Variants in MPPED1 observed in about 807,000 individuals in gnomAD.
The protein encoded by MPPED1 is metallophosphoesterase domain-containing protein 1.
A neutral mutation model predicts 36.2 loss-of-function variants in MPPED1; 16 were observed. The observed-to-expected ratio is 0.44, with a 90% CI of 0.30 to 0.67. MPPED1 has a LOEUF of 0.67. Among genes scored for constraint, MPPED1 ranks in the 30% least tolerant of loss-of-function variants. MPPED1 has a pLI of 0.10. For synonymous variants in MPPED1, 199 were observed against 191.3 expected, an observed-to-expected ratio of 1.04 and a Z score of -0.33; for missense variants, 307 against 453.4, an observed-to-expected ratio of 0.68 and a Z score of 2.93.
chr22:43,469,716 C>T (rs1163156591), intron 3 of MPPED1, among the ~76,000 whole-genome samples: 1 of 152,264 alleles, frequency 6.6e-6, no homozygotes. Flanking sequence ...AATGCCCTGC[C>T]AGGGACAGTT....
At chr22:43,456,907 A>T (rs548846536) in intron 3 of MPPED1, among the ~76,000 whole-genome samples, 13 of 152,344 alleles carry the variant, frequency 8.5e-5, no homozygotes, top group African/African-American at 3.1e-4. Context: ...GGTATATTAC[A>T]TTAATTGTAT....
intron 3 of MPPED1, among the ~76,000 whole-genome samples, chr22:43,456,516 A>G (rs1465712785): frequency 6.6e-6 from 1 of 152,104 alleles, no homozygotes; most frequent in Non-Finnish European, 1.5e-5. Context: ...TTGTTTAGAG[A>G]CAGTGTCTTG....
chr22:43,467,425 C>G (rs1257967322), intron 3 of MPPED1, among the ~76,000 whole-genome samples: 2 of 152,228 alleles, frequency 1.3e-5, no homozygotes, highest in African/African-American at 2.4e-5. Context: ...CCCGCCTGTT[C>G]AGGTTACACA....
At position 43,474,656 on chromosome 22, in the gene MPPED1, G is replaced by A. The variant is rs574922875; in HGVS notation, c.407-80G>A. 168 of 1,556,018 alleles carry A rather than the reference G, an allele frequency of 1.1e-4. 2 individuals carry two copies. In the South Asian group the frequency reaches 1.3e-3, roughly 12 times the overall value. On this transcript the variant is annotated intron_variant, in intron 3 of 6. Coordinates refer to ENST00000443721, the MANE Select transcript of MPPED1 (RefSeq NM_001044370.2). This position sits in a 1 kb window ranked among gnomAD's most constrained non-coding sequence, Gnocchi z 5.2. ...GAGTTCATGCAGCTTCCTCCTGCCCGCCCCTCTCTCAGCCGTGCTGTGGCT... is the reference window on the plus strand; with the variant it reads ...GAGTTCATGCAGCTTCCTCCTGCCCACCCCTCTCTCAGCCGTGCTGTGGCT...
At chr22:43,489,651 T>C (rs543172591) in intron 4 of MPPED1, among the ~76,000 whole-genome samples, 1 of 152,214 alleles carries the variant, frequency 6.6e-6, no homozygotes, top group Admixed American at 6.5e-5. Flanking sequence ...CCTGAGTAGC[T>C]GGGATTACAA....
intron 1 of MPPED1, among the ~76,000 whole-genome samples, chr22:43,423,483 C>A (rs371254421): frequency 1.3e-5 from 2 of 152,068 alleles, no homozygotes; most frequent in South Asian, 2.1e-4. Context: ...GATTTTTTTC[C>A]CCCTTGTCTC....
intron 3 of MPPED1, among the ~76,000 whole-genome samples, chr22:43,451,522 G>A (rs1328985601): frequency 2.6e-5 from 4 of 152,336 alleles, no homozygotes; most frequent in South Asian, 2.1e-4. Flanking sequence ...CCGAGAGCTC[G>A]CGGAAGGCCG....
At chr22:43,430,195 T>C (rs934601355) in intron 2 of MPPED1, among the ~76,000 whole-genome samples, 2 of 152,126 alleles carry the variant, frequency 1.3e-5, no homozygotes, top group Admixed American at 1.3e-4. Flanking sequence ...GAGCACCCCA[T>C]GTCTGCAGGA....
intron 3 of MPPED1, among the ~76,000 whole-genome samples, chr22:43,445,692 C>A (rs997394852): frequency 1.3e-5 from 2 of 151,604 alleles, no homozygotes; most frequent in African/African-American, 4.9e-5. Flanking sequence ...CCCCACCTCA[C>A]CCCGAGTAGC....
At position 43,475,017 on chromosome 22, in the gene MPPED1, G is replaced by A. The variant is rs146220591; in HGVS notation, c.632+56G>A. On this transcript the variant is annotated intron_variant, in intron 4 of 6. Transcript: ENST00000443721. The stretch of plus-strand genomic sequence containing the variant: ...CTGGTGAGACCAGAGCTGAGGCTGA[G>A]CGCAGGGGGTGTAGGGGATGGGAGT... The A allele has an allele frequency of 6.5e-5, 100 of 1,533,704 alleles. No individual in the cohort carries two copies. The Middle Eastern group carries it at 2.2e-3, about 34-fold the overall frequency.
intron 4 of MPPED1, among the ~76,000 whole-genome samples, chr22:43,475,573 TGTGGTGGTGGTG>T (rs1184288180): frequency 2.1e-5 from 2 of 93,878 alleles, no homozygotes; most frequent in Admixed American, 9.8e-5. Context: ...TGATGATGGT[TGTGGTGGTGGTG>T]GTGGTGGTGA....
intron 4 of MPPED1, among the ~76,000 whole-genome samples, chr22:43,491,415 G>A (rs1029991346): frequency 2.6e-5 from 4 of 151,826 alleles, no homozygotes; most frequent in Non-Finnish European, 5.9e-5. Flanking sequence ...GATGGTGGAG[G>A]TGATGGAGAT....
intron 1 of MPPED1, among the ~76,000 whole-genome samples, chr22:43,420,729 T>C (rs1929241269): frequency 6.6e-6 from 1 of 152,154 alleles, no homozygotes; most frequent in African/African-American, 2.4e-5. Flanking sequence ...ATCACCCAAT[T>C]TAGTCAAACC....
chr22:43,475,518 GTTGTGGTGGTGGTGGTGGTGGTGATGTGA>G (rs1931523842), intron 4 of MPPED1, among the ~76,000 whole-genome samples: 1 of 580 alleles, frequency 1.7e-3, no homozygotes, highest in African/African-American at 8.2e-3. Flanking sequence ...CATGATGATG[GTTGTGGTGGTGGTGGTGGTGGTGATGTGA>G]TGGTGATGGT....
chr22:43,447,885 T>TATATATATATATATA (rs1601966891), intron 3 of MPPED1, among the ~76,000 whole-genome samples: 26 of 25,048 alleles, frequency 1.0e-3, no homozygotes, highest in Admixed American at 1.9e-3. Context: ...ATATATATAT[T>TATATATATATATATA]TTTTTTTTTT....
rs982026486 is a variant in MPPED1 at position 43,502,512 on chromosome 22, G to A, written c.749-132G>A. 4.5e-6 allele frequency: 3 copies of A among 672,032 alleles called. No individual in the cohort carries two copies. The highest frequency in any genetic ancestry group is 7.8e-6 in the Non-Finnish European group (3 of 386,052). The allele number at this position is 672,032 out of a possible 1,614,324, so 41.6% of individuals were successfully genotyped here. A position where few individuals can be genotyped will look rare whatever the true frequency, so the allele number is the denominator to read the frequency against. On this transcript the variant is annotated intron_variant, in intron 5 of 6. Coordinates refer to ENST00000443721, the MANE Select transcript of MPPED1 (RefSeq NM_001044370.2). The surrounding 1 kb of genome is among the most constrained non-coding windows in gnomAD (Gnocchi z 5.5). ...GGCAGGGTTCCGGAGAGCTTGCTAGGGGAGAGTGGTGCAAAGCCGGAGTCC... is the reference window on the plus strand; with the variant it reads ...GGCAGGGTTCCGGAGAGCTTGCTAGAGGAGAGTGGTGCAAAGCCGGAGTCC...
chr22:43,442,993 A>C (rs1930204516), intron 3 of MPPED1, among the ~76,000 whole-genome samples: 1 of 152,102 alleles, frequency 6.6e-6, no homozygotes, highest in Admixed American at 6.5e-5. Context: ...TTGGTGCTGG[A>C]GATTCAGTGA....
intron 2 of MPPED1, among the ~76,000 whole-genome samples, chr22:43,425,953 C>G (rs984403426): frequency 1.3e-5 from 2 of 152,324 alleles, no homozygotes; most frequent in East Asian, 3.9e-4. Flanking sequence ...CTCTGGATTT[C>G]CCGAGGACCT....
chr22:43,452,263 C>T (rs1930597438), intron 3 of MPPED1, among the ~76,000 whole-genome samples: 1 of 152,174 alleles, frequency 6.6e-6, no homozygotes, highest in South Asian at 2.1e-4. Context: ...ATCTGCCTGC[C>T]TCAGCCTCCC....
Sources: gnomAD v4.1 joint callset for allele counts (sites outside exome capture counted in the v4.1 genomes callset) on GRCh38, gnomAD v4.1.1 for gene constraint, Gnocchi (gnomAD v3.1) non-coding constraint, MANE v1.5 for transcripts, NCBI Gene and HGNC (gene_info 2026-07-23, HGNC 2026-07-21) for gene names.